NGEF: variants seen among roughly 807,000 people sequenced by gnomAD.
NGEF encodes the protein neuronal guanine nucleotide exchange factor.
Under a neutral mutation model 80.9 loss-of-function variants are expected in NGEF, and 31 were observed. The observed-to-expected ratio is 0.38, with a 90% CI of 0.29 to 0.52. The LOEUF (loss-of-function observed/expected upper bound fraction) is 0.52. NGEF is among the 20% of genes least tolerant of loss of function. The pLI, the probability that NGEF is intolerant of heterozygous loss-of-function variation, is 0.84. For synonymous variants in NGEF, 371 were observed against 370.2 expected, an observed-to-expected ratio of 1.00 and a Z score of -0.03; for missense variants, 709 against 926.2, an observed-to-expected ratio of 0.77 and a Z score of 3.04.
chr2:232,887,947 G>T, intron 9 of NGEF, 86 bp downstream of exon 9: 1 of 998,218 alleles, frequency 1.0e-6, no homozygotes, highest in Non-Finnish European at 1.6e-6. Flanking sequence ...AAGACACACG[G>T]ACATGTGGGG....
At chr2:233,011,443 G>C (rs996118086) in intron 1 of NGEF, among the ~76,000 whole-genome samples, 1 of 152,096 alleles carries the variant, frequency 6.6e-6, no homozygotes, top group African/African-American at 2.4e-5. Flanking sequence ...AGCAGCTCCT[G>C]CGCCCCTGGT....
Position 232,935,017 on chromosome 2 carries a change from A to T in NGEF, c.384-7831T>A, listed in dbSNP as rs182638132. ...AGTGAGACTCTGTCTCAAAAAAAAA[A>T]AATAATAATAAGAATAATTGGTGAA... On this transcript the variant is annotated intron_variant, in intron 3 of 14. Coordinates refer to ENST00000264051, the MANE Select transcript of NGEF (RefSeq NM_019850.3). Among the ~76,000 whole-genome samples, 481 of 152,150 alleles carry T rather than the reference A, an allele frequency of 3.2e-3. 4 individuals carry two copies. The highest frequency in any genetic ancestry group is 0.01 in the African/African-American group (430 of 41,492).
chr2:232,936,027 T>C (rs1397927719), intron 3 of NGEF, among the ~76,000 whole-genome samples: 2 of 152,308 alleles, frequency 1.3e-5, no homozygotes, highest in East Asian at 3.9e-4. Flanking sequence ...CACAGAAGGC[T>C]ACAGCCTCAA....
At chr2:232,882,726 G>A (rs1351951193) in intron 12 of NGEF, among the ~76,000 whole-genome samples, 2 of 152,212 alleles carry the variant, frequency 1.3e-5, no homozygotes, top group African/African-American at 2.4e-5. Context: ...GACGGGAGGA[G>A]GGCAGAGCCT....
At chr2:232,879,708 C>T (rs767568748) in intron 14 of NGEF, 29 bp from the exon 15 acceptor site, 6 of 1,597,206 alleles carry the variant, frequency 3.8e-6, no homozygotes, top group Non-Finnish European at 5.1e-6. Context: ...GAGAGAAGGT[C>T]AGTGCTCCTG....
At chr2:232,971,281 C>T (rs1464467765) in intron 2 of NGEF, among the ~76,000 whole-genome samples, 1 of 152,208 alleles carries the variant, frequency 6.6e-6, no homozygotes, top group African/African-American at 2.4e-5. Context: ...TGCTCTTTCT[C>T]ACCATGTAGG....
chr2:232,958,467 T>C (rs1474792575), intron 3 of NGEF, among the ~76,000 whole-genome samples: 1 of 152,220 alleles, frequency 6.6e-6, no homozygotes, highest in Non-Finnish European at 1.5e-5. Context: ...TCGGCATGCA[T>C]GCATTTACTC....
chr2:232,905,526 C>G (rs868668214), intron 5 of NGEF: 2 of 288,526 alleles, frequency 6.9e-6, no homozygotes, highest in Non-Finnish European at 6.9e-6. Context: ...TCCGCCACCC[C>G]GTCTGGGAAG....
At chr2:232,975,325 A>T (rs1011140224) in intron 1 of NGEF, among the ~76,000 whole-genome samples, 1 of 152,230 alleles carries the variant, frequency 6.6e-6, no homozygotes, top group Admixed American at 6.5e-5. Flanking sequence ...AAATGTCTAG[A>T]CAGGAAAAGA....
chr2:232,904,786 A>T (rs568600142), intron 5 of NGEF, among the ~76,000 whole-genome samples: 145 of 152,132 alleles, frequency 9.5e-4, no homozygotes, highest in Middle Eastern at 3.4e-3. Context: ...TCTTCAAAAA[A>T]TTTTTAAAGA....
chr2:233,012,567 A>G (rs995865324), intron 1 of NGEF: 1 of 265,400 alleles, frequency 3.8e-6, no homozygotes, highest in Non-Finnish European at 7.3e-6. Context: ...GTGCCATGGC[A>G]CACAGGAATC....
At chr2:232,981,001 C>A (rs1316423067) in intron 1 of NGEF, among the ~76,000 whole-genome samples, 1 of 151,628 alleles carries the variant, frequency 6.6e-6, no homozygotes, top group African/African-American at 2.4e-5. Flanking sequence ...AGGACTGGCA[C>A]CAGTAGGGAA....
chr2:232,902,328 G>C (rs968331301), intron 5 of NGEF, among the ~76,000 whole-genome samples: 2 of 152,226 alleles, frequency 1.3e-5, no homozygotes, highest in Non-Finnish European at 2.9e-5. Context: ...TCGGACTCCA[G>C]AGCCAGAGCC....
intron 4 of NGEF, among the ~76,000 whole-genome samples, chr2:232,925,579 C>G (rs2004202): frequency 0.43 from 65,968 of 151,896 alleles, 14,428 homozygotes; most frequent in Admixed American, 0.46. Flanking sequence ...CCAGCAGGTT[C>G]AGCCGTCTCC....
chr2:232,951,019 C>T (rs949344559), intron 3 of NGEF, among the ~76,000 whole-genome samples: 3 of 152,192 alleles, frequency 2.0e-5, no homozygotes, highest in Admixed American at 1.3e-4. Context: ...CAGCGGCGTC[C>T]GGCATGCGGC....
intron 8 of NGEF, chr2:232,891,105 C>A: frequency 1.7e-6 from 1 of 573,774 alleles, no homozygotes; most frequent in Non-Finnish European, 3.4e-6. Context: ...CCACCCCTGT[C>A]GTGTCGGCCC....
At position 232,950,181 on chromosome 2, in the gene NGEF, A is replaced by C. The variant is rs117473076; in HGVS notation, c.383+20033T>G. Among the ~76,000 whole-genome samples, 41 of 152,258 alleles carry C rather than the reference A, an allele frequency of 2.7e-4. 1 individual carries two copies. The East Asian group carries it at 7.9e-3, about 29-fold the overall frequency. ...CATTATAGTTTACATTTCTTTCTTT[A>C]CTAGTGAAGTTTATTTTTTTGGTTA... On this transcript the variant is annotated intron_variant, in intron 3 of 14. Coordinates refer to ENST00000264051, the MANE Select transcript of NGEF (RefSeq NM_019850.3).
At chr2:232,939,347 G>T (rs760366811) in intron 3 of NGEF, among the ~76,000 whole-genome samples, 25 of 152,044 alleles carry the variant, frequency 1.6e-4, no homozygotes, top group Non-Finnish European at 2.9e-4. Flanking sequence ...GAAACAAATA[G>T]AAAGTGATAT....
At chr2:232,969,425 A>C (rs867644378) in intron 3 of NGEF, among the ~76,000 whole-genome samples, 9 of 140,036 alleles carry the variant, frequency 6.4e-5, no homozygotes, top group Non-Finnish European at 9.3e-5. Context: ...ACAGTGAACT[A>C]TCTCTCCCTC....
Sources: gnomAD v4.1 joint callset for allele counts (sites outside exome capture counted in the v4.1 genomes callset) on GRCh38, gnomAD v4.1.1 for gene constraint, MANE v1.5 for transcripts, NCBI Gene and HGNC (gene_info 2026-07-23, HGNC 2026-07-21) for gene names.